CHRM5: variants seen among roughly 807,000 people sequenced by gnomAD.
CHRM5 encodes the protein muscarinic acetylcholine receptor M5.
CHRM5 carries 18 observed loss-of-function variants against 39.0 expected under a neutral mutation model. That is an observed-to-expected ratio of 0.46 (90% CI 0.32 to 0.68). CHRM5 has a LOEUF of 0.68. Among genes scored for constraint, CHRM5 ranks in the 30% least tolerant of loss-of-function variants. The pLI, the probability that CHRM5 is intolerant of heterozygous loss-of-function variation, is 0.04. For missense variants in CHRM5, 515 were observed against 651.1 expected (o/e 0.79, Z 2.28); for synonymous variants, 241 against 246.3 (o/e 0.98, Z 0.20).
At chr15:33,992,347 G>A (rs1296845770) in intron 1 of CHRM5, among the ~76,000 whole-genome samples, 3 of 151,354 alleles carry the variant, frequency 2.0e-5, no homozygotes, top group African/African-American at 4.9e-5. Flanking sequence ...CCGAGATTGC[G>A]CCACTGCACT....
intron 1 of CHRM5, among the ~76,000 whole-genome samples, chr15:33,985,528 T>A (rs920347574): frequency 2.6e-5 from 4 of 151,826 alleles, no homozygotes; most frequent in African/African-American, 9.7e-5. Context: ...AACACAACTA[T>A]GAGAAATTCA....
At chr15:34,032,823 A>C (rs1319763829) in intron 1 of CHRM5, among the ~76,000 whole-genome samples, 2 of 152,168 alleles carry the variant, frequency 1.3e-5, no homozygotes, top group Non-Finnish European at 2.9e-5. Context: ...TTAAATATAG[A>C]TGTTGAGGAT....
rs548488639 is a variant in CHRM5 at position 34,049,731 on chromosome 15, A to G, written c.-76+2860A>G. ...AAGATCAACCCCAAGACACACAATC[A>G]TCAGATTCTCCAACGTTGAAATGAA... On this transcript the variant is annotated intron_variant, in intron 2 of 2. Coordinates refer to ENST00000383263, the MANE Select transcript of CHRM5 (RefSeq NM_012125.4). 2.0e-5 allele frequency among the ~76,000 whole-genome samples: 3 copies of G among 152,190 alleles called. No homozygotes were observed. The South Asian group carries it at 6.2e-4, about 32-fold the overall frequency.
chr15:34,062,622 A>C, intron 2 of CHRM5, 21 bp from the exon 3 acceptor site: 1 of 1,128,860 alleles, frequency 8.9e-7, no homozygotes, highest in Non-Finnish European at 1.3e-6. Flanking sequence ...TGCGAAGCTA[A>C]TGTGTTTCCC....
intron 1 of CHRM5, among the ~76,000 whole-genome samples, chr15:34,036,440 T>C (rs916813789): frequency 2.0e-5 from 3 of 152,220 alleles, no homozygotes; most frequent in African/African-American, 7.2e-5. Flanking sequence ...TGATTTTTTT[T>C]TCCTTTGATC....
chr15:34,059,021 C>G (rs1030157740), intron 2 of CHRM5, among the ~76,000 whole-genome samples: 1 of 152,138 alleles, frequency 6.6e-6, no homozygotes, highest in Non-Finnish European at 1.5e-5. Flanking sequence ...CTCAACCTCC[C>G]AAGTAGCTAA....
chr15:34,062,624 G>T lies in CHRM5; in HGVS notation c.-75-19G>T. The T allele has an allele frequency of 1.9e-6, 2 of 1,064,446 alleles. No homozygotes were observed. The highest frequency in any genetic ancestry group is 2.7e-6 in the Non-Finnish European group (2 of 730,990). The allele number at this position is 1,064,446 out of a possible 1,614,324, so 65.9% of individuals were successfully genotyped here. A position where few individuals can be genotyped will look rare whatever the true frequency, so the allele number is the denominator to read the frequency against. ...AATCATGCTGGTGTGCGAAGCTAAT[G>T]TGTTTCCCTCTCTTCCAGATGCTGG... On this transcript the variant is annotated intron_variant, in intron 2 of 2. Transcript: ENST00000383263.
chr15:34,036,999 C>T (rs143786667), intron 1 of CHRM5, among the ~76,000 whole-genome samples: 3,209 of 152,016 alleles, frequency 0.021, 51 homozygotes, highest in Non-Finnish European at 0.029. Context: ...ATCCCAGCTA[C>T]TTGGGAGGCT....
At chr15:34,016,381 C>T (rs761294423) in intron 1 of CHRM5, among the ~76,000 whole-genome samples, 30 of 152,188 alleles carry the variant, frequency 2.0e-4, no homozygotes, top group Non-Finnish European at 3.7e-4. Flanking sequence ...CTAATAGACA[C>T]TGAGTTGGGC....
At chr15:34,058,497 A>T (rs1401250819) in intron 2 of CHRM5, among the ~76,000 whole-genome samples, 1 of 151,810 alleles carries the variant, frequency 6.6e-6, no homozygotes, top group Non-Finnish European at 1.5e-5. Context: ...AATTTCCCAA[A>T]CAGGCCACTA....
At chr15:34,057,282 A>G (rs1900191829) in intron 2 of CHRM5, among the ~76,000 whole-genome samples, 2 of 148,272 alleles carry the variant, frequency 1.3e-5, no homozygotes, top group South Asian at 2.2e-4. Flanking sequence ...GAATATAGGC[A>G]CATGCCACCA....
intron 1 of CHRM5, among the ~76,000 whole-genome samples, chr15:34,016,235 A>AAAAAAC (rs951470489): frequency 5.3e-5 from 8 of 152,216 alleles, no homozygotes; most frequent in Non-Finnish European, 1.2e-4. Flanking sequence ...ACTCCATCTC[A>AAAAAAC]AAAAACAAAA....
At chr15:34,062,569 A>AG in intron 2 of CHRM5, 74 bp from the exon 3 acceptor site, 1 of 688,214 alleles carries the variant, frequency 1.5e-6, no homozygotes, top group African/African-American at 1.8e-5. Flanking sequence ...AAAAAAAAAA[A>AG]AAAAACTATA....
At chr15:34,006,785 G>C (rs573050229) in intron 1 of CHRM5, among the ~76,000 whole-genome samples, 1 of 152,242 alleles carries the variant, frequency 6.6e-6, no homozygotes, top group Non-Finnish European at 1.5e-5. Context: ...AGAGTAGTAA[G>C]AAGTAATATA....
At chr15:33,990,339 G>C (rs541348821) in intron 1 of CHRM5, among the ~76,000 whole-genome samples, 1 of 151,986 alleles carries the variant, frequency 6.6e-6, no homozygotes, top group South Asian at 2.1e-4. Flanking sequence ...CCGAGATCAC[G>C]CCACTGCCCT....
chr15:33,981,700 C>T (rs1041159003), intron 1 of CHRM5, among the ~76,000 whole-genome samples: 2 of 152,174 alleles, frequency 1.3e-5, no homozygotes, highest in African/African-American at 4.8e-5. Flanking sequence ...TTATGTGATC[C>T]TTGTTACCTA....
chr15:34,021,290 C>CT lies in CHRM5; in HGVS notation c.-407-25238dup, dbSNP rs911480926. On this transcript the variant is annotated intron_variant, in intron 1 of 2. Transcript: ENST00000383263. ...CTCAGCTAAAAAATATTTTCTGTAT[C>CT]TTTTTTTTTTTTGAGACGGAGTTTC... Among the ~76,000 whole-genome samples, 1,120 of 145,620 alleles carry CT rather than the reference C, an allele frequency of 7.7e-3. 9 individuals carry two copies. The highest frequency in any genetic ancestry group is 0.021 in the African/African-American group (833 of 39,972).
intron 1 of CHRM5, among the ~76,000 whole-genome samples, chr15:33,977,872 AGCCGCAGCAAGCTGTGAACAC>A (rs1269543324): frequency 6.6e-6 from 1 of 151,900 alleles, no homozygotes; most frequent in African/African-American, 2.4e-5. Context: ...AGGAGGTCAA[AGCCGCAGCAAGCTGTGAACAC>A]GCCACTGCAC....
intron 1 of CHRM5, chr15:34,018,096 G>A (rs1004672939): frequency 2.0e-5 from 3 of 152,176 alleles, no homozygotes; most frequent in African/African-American, 7.2e-5. Context: ...TTAGAGTACA[G>A]TCATTCTACT....
Sources: allele counts gnomAD v4.1 joint callset (sites outside exome capture counted in the v4.1 genomes callset), GRCh38; gene constraint gnomAD v4.1.1; transcripts MANE v1.5; gene names NCBI Gene and HGNC (gene_info 2026-07-23, HGNC 2026-07-21).